The following BMI1 variants were observed in gnomAD, a reference collection of about 807,000 sequenced individuals.
BMI1 encodes BMI1 proto-oncogene, polycomb ring finger.
Under a neutral mutation model 39.1 loss-of-function variants are expected in BMI1, and 9 were observed. That is an observed-to-expected ratio of 0.23 (90% CI 0.14 to 0.40). The LOEUF (loss-of-function observed/expected upper bound fraction) is 0.40. Ranked by LOEUF, BMI1 falls within the 10% of genes least tolerant of loss-of-function variation. The pLI is 1.00. For synonymous variants in BMI1, 131 were observed against 127.9 expected (o/e 1.02, Z -0.16); for missense variants, 252 against 390.8 (o/e 0.64, Z 2.99).
At chr10:22,326,211 G>T in intron 1 of BMI1, 5 of 514,704 alleles carry the variant, frequency 9.7e-6, no homozygotes, top group Non-Finnish European at 1.3e-5. Context: ...CTACAGGAAT[G>T]ATCTGAGAGA....
In BMI1 at chr10:22,321,574, G is replaced by T. The variant is rs1445811590; in HGVS notation, c.-142G>T. 1 of 152,988 alleles carries T rather than the reference G, an allele frequency of 6.5e-6. No individual in the cohort carries two copies. 9.5% of individuals were successfully genotyped at this position (152,988 alleles called of 1,614,324 possible). A position where few individuals can be genotyped will look rare whatever the true frequency, so the allele number is the denominator to read the frequency against. ...GGGCCGCGCTGGTTGCCCATTGACA[G>T]CGGCGTCTGCAGCTCGCTTCAAGAT... On this transcript the variant is annotated 5_prime_UTR_variant, in exon 1 of 10. Transcript: ENST00000376663.
At chr10:22,326,611 C>T (rs755990525) in intron 2 of BMI1, 50 bp downstream of exon 2, 1 of 1,584,542 alleles carries the variant, frequency 6.3e-7, no homozygotes, top group Admixed American at 1.8e-5. Flanking sequence ...TTTCACAGTT[C>T]GACCTGGAAT....
At position 22,329,676 on chromosome 10, in the gene BMI1, G is replaced by T; in HGVS notation, c.*134G>T. The T allele has an allele frequency of 9.2e-7, 1 of 1,091,982 alleles. No individual in the cohort carries two copies. Among genetic ancestry groups the T allele is most frequent in the Non-Finnish European group, 1.3e-6 (1 of 784,048 alleles). The allele number at this position is 1,091,982 out of a possible 1,614,324, so 67.6% of individuals were successfully genotyped here. Reference sequence around the variant, plus strand: ...TTTCTTTTGTAGTGACATTAAATTTGGCTATAAAAGATGGACTACATGTGA... The same window carrying T: ...TTTCTTTTGTAGTGACATTAAATTTTGCTATAAAAGATGGACTACATGTGA... On this transcript the variant is annotated 3_prime_UTR_variant, in exon 10 of 10. Transcript: ENST00000376663.
intron 1 of BMI1, among the ~76,000 whole-genome samples, chr10:22,324,695 A>G (rs1025672491): frequency 6.6e-6 from 1 of 152,268 alleles, no homozygotes; most frequent in Non-Finnish European, 1.5e-5. Flanking sequence ...TCTTACTGCA[A>G]GTTTCAAAAG....
intron 7 of BMI1, 121 bp from the exon 8 acceptor site, chr10:22,328,479 A>C: frequency 2.1e-6 from 2 of 945,054 alleles, no homozygotes; most frequent in South Asian, 2.0e-5. Context: ...TAATTAGTTG[A>C]GAGGTTGGTC....
chr10:22,323,121 A>G (rs1372400194), intron 1 of BMI1, among the ~76,000 whole-genome samples: 1 of 152,236 alleles, frequency 6.6e-6, no homozygotes, highest in Admixed American at 6.5e-5. Flanking sequence ...ATGTTCTGGA[A>G]ACACATTATA....
At chr10:22,323,327 T>C (rs897159503) in intron 1 of BMI1, among the ~76,000 whole-genome samples, 1 of 152,242 alleles carries the variant, frequency 6.6e-6, no homozygotes, top group African/African-American at 2.4e-5. Context: ...TCAGAAGTGT[T>C]TGAAATAACC....
intron 1 of BMI1, among the ~76,000 whole-genome samples, chr10:22,323,363 A>C (rs1234132320): frequency 6.6e-6 from 1 of 152,220 alleles, no homozygotes; most frequent in East Asian, 1.9e-4. Flanking sequence ...TATGCCTAGT[A>C]AAATATCTTT....
At position 22,330,421 on chromosome 10, in the gene BMI1, C is replaced by T. The variant is rs1372608090; in HGVS notation, c.*879C>T. Reference sequence around the variant, plus strand: ...CAAAGAATATTTTTAATGTGGATATCTAATTCTAAAGTCTGTTCCATTAGA... The same window carrying T: ...CAAAGAATATTTTTAATGTGGATATTTAATTCTAAAGTCTGTTCCATTAGA... On this transcript the variant is annotated 3_prime_UTR_variant, in exon 10 of 10. Coordinates refer to ENST00000376663, the MANE Select transcript of BMI1 (RefSeq NM_005180.9). 6.6e-6 allele frequency: 1 copy of T among 152,574 alleles called. No individual in the cohort carries two copies. Among genetic ancestry groups the T allele is most frequent in the Non-Finnish European group, 1.5e-5 (1 of 68,038 alleles). The allele number at this position is 152,574 out of a possible 1,614,324, so 9.5% of individuals were successfully genotyped here.
intron 7 of BMI1, 119 bp downstream of exon 7, chr10:22,328,298 A>C: frequency 8.5e-7 from 1 of 1,173,854 alleles, no homozygotes. Flanking sequence ...GGTCATGTTT[A>C]ATGTTTAAGA....
At position 22,327,805 on chromosome 10, in the gene BMI1, G is replaced by A; in HGVS notation, c.316+13G>A. The A allele has an allele frequency of 6.2e-7, 1 of 1,613,098 alleles. No homozygotes were observed. On this transcript the variant is annotated intron_variant, in intron 5 of 9. Coordinates refer to ENST00000376663, the MANE Select transcript of BMI1 (RefSeq NM_005180.9). ...CCTTCTGCTGATGGTAAACCTTTTAGGGGAGGGAAGACATTTTATATGGGG... is the reference window on the plus strand; with the variant it reads ...CCTTCTGCTGATGGTAAACCTTTTAAGGGAGGGAAGACATTTTATATGGGG...
chr10:22,325,120 C>T (rs1002895331), intron 1 of BMI1, among the ~76,000 whole-genome samples: 3 of 152,226 alleles, frequency 2.0e-5, no homozygotes, highest in Admixed American at 2.0e-4. Flanking sequence ...TTTGCCCTCT[C>T]CTCTTCTTGT....
Position 22,326,470 on chromosome 10 carries a change from C to A in BMI1, c.21C>A (p.Ile7=). MHRTTR[I]KITELNPHLM... is the part of the protein sequence containing the mutation. ...CAGAAATGCATCGAACAACGAGAAT[C>A]AAGATCACTGAGCTAAATCCCCACC... Residue 7 remains isoleucine, a synonymous_variant, in exon 2 of 10, where the codon ATC becomes ATA. Coordinates refer to ENST00000376663, the MANE Select transcript of BMI1 (RefSeq NM_005180.9). 1.2e-6 allele frequency: 2 copies of A among 1,613,898 alleles called. No individual in the cohort carries two copies. The highest frequency in any genetic ancestry group is 1.1e-5 in the South Asian group (1 of 91,080).
At chr10:22,325,728 T>A (rs1239562448) in intron 1 of BMI1, 1 of 150,804 alleles carries the variant, frequency 6.6e-6, no homozygotes, top group African/African-American at 2.4e-5. Context: ...CAAGTGTAAG[T>A]GTAAGTTGCT....
chr10:22,327,860 T>A (rs893856148), intron 5 of BMI1, 68 bp downstream of exon 5: 2 of 1,600,496 alleles, frequency 1.2e-6, no homozygotes, highest in African/African-American at 2.7e-5. Context: ...TAAAATGTAT[T>A]AAAATTGACT....
In BMI1 at chr10:22,329,644, A is replaced by G; in HGVS notation, c.*102A>G. On this transcript the variant is annotated 3_prime_UTR_variant, in exon 10 of 10. Coordinates refer to ENST00000376663, the MANE Select transcript of BMI1 (RefSeq NM_005180.9). ...ATGCTAATACATGTGACTATCGTCCAATTTGCTTTCTTTTGTAGTGACATT... is the reference window on the plus strand; with the variant it reads ...ATGCTAATACATGTGACTATCGTCCGATTTGCTTTCTTTTGTAGTGACATT... The G allele has an allele frequency of 7.2e-7, 1 of 1,383,662 alleles. No homozygotes were observed. The highest frequency in any genetic ancestry group is 1.9e-4 in the Middle Eastern group (1 of 5,200). 85.7% of individuals were successfully genotyped at this position (1,383,662 alleles called of 1,614,324 possible).
intron 2 of BMI1, 26 bp downstream of exon 2, chr10:22,326,587 T>C: frequency 6.2e-7 from 1 of 1,609,212 alleles, no homozygotes. Context: ...TAGCTCTCTT[T>C]TGTATCATGC....
Position 22,327,301 on chromosome 10 carries a change from T to A in BMI1, c.210-294T>A, listed in dbSNP as rs181913419. ...GAATAAATATTTAAAAGGGCTTCCA[T>A]TCCTCTTTATTCCCTATTCATATTA... On this transcript the variant is annotated intron_variant, in intron 3 of 9. Transcript: ENST00000376663. 2.6e-3 allele frequency among the ~76,000 whole-genome samples: 396 copies of A among 152,318 alleles called. 2 individuals carry two copies. Among genetic ancestry groups the A allele is most frequent in the Non-Finnish European group, 4.6e-3 (313 of 67,992 alleles).
chr10:22,327,488 CACA>C, intron 3 of BMI1, 104 bp from the exon 4 acceptor site: 1 of 1,170,150 alleles, frequency 8.5e-7, no homozygotes, highest in African/African-American at 1.6e-5. Flanking sequence ...TAGACAGCAT[CACA>C]ATCAAGTAAA....
Sources: allele counts gnomAD v4.1 joint callset (sites outside exome capture counted in the v4.1 genomes callset), GRCh38; gene constraint gnomAD v4.1.1; transcripts MANE v1.5; gene names NCBI Gene and HGNC (gene_info 2026-07-23, HGNC 2026-07-21).